Variants in EYS observed in about 807,000 individuals in gnomAD.
EYS encodes the protein EGF-like photoreceptor maintenance factor, also known as protein eyes shut homolog.
In EYS, 250 loss-of-function variants were observed where a neutral mutation model predicts 282.1. That is an observed-to-expected ratio of 0.89 (90% CI 0.80 to 0.98). EYS has a LOEUF of 0.98. Ranked by LOEUF, EYS falls within the 50% of genes least tolerant of loss-of-function variation. The pLI is 0.00. For synonymous variants in EYS, 1,355 were observed against 1,282.9 expected, an observed-to-expected ratio of 1.06 and a Z score of -1.20; for missense variants, 4,016 against 3,709.0, an observed-to-expected ratio of 1.08 and a Z score of -2.15.
chr6:64,123,769 C>A (rs1434942824), intron 31 of EYS, among the ~76,000 whole-genome samples: 6 of 152,112 alleles, frequency 3.9e-5, no homozygotes, highest in Non-Finnish European at 7.4e-5. Flanking sequence ...GATATAAATA[C>A]AAAATTAAAA....
At chr6:63,742,113 C>T (rs150854732) in intron 41 of EYS, 6 of 605,792 alleles carry the variant, frequency 9.9e-6, no homozygotes, top group Middle Eastern at 3.2e-4. Context: ...ATCTGTCCTG[C>T]AGTTCTTGAC....
rs1382735223 is a variant in EYS at position 63,835,698 on chromosome 6, A to G, written c.7228+28488T>C. ...CACTAAAGAACTTATGTAACCAAATACCACCTGTAGCCCAATAACTTATGG... is the reference window on the plus strand; with the variant it reads ...CACTAAAGAACTTATGTAACCAAATGCCACCTGTAGCCCAATAACTTATGG... On this transcript the variant is annotated intron_variant, in intron 36 of 42. Coordinates refer to ENST00000503581, the MANE Select transcript of EYS (RefSeq NM_001142800.2). 2.0e-5 allele frequency among the ~76,000 whole-genome samples: 3 copies of G among 152,180 alleles called. No homozygotes were observed. The East Asian group carries it at 5.8e-4, about 29-fold the overall frequency.
intron 12 of EYS, among the ~76,000 whole-genome samples, chr6:65,223,505 T>G (rs1422897921): frequency 2.6e-5 from 4 of 152,206 alleles, no homozygotes; most frequent in South Asian, 2.1e-4. Flanking sequence ...GTGGTCTATA[T>G]TCCTAGTGTG....
intron 12 of EYS, among the ~76,000 whole-genome samples, chr6:65,244,502 C>CTATG (rs1554170026): frequency 5.3e-5 from 8 of 151,466 alleles, no homozygotes; most frequent in Non-Finnish European, 1.5e-5. Flanking sequence ...ATTATCCGAA[C>CTATG]TATTTATTTA....
chr6:64,868,352 T>C (rs888859458), intron 19 of EYS, among the ~76,000 whole-genome samples: 3 of 151,420 alleles, frequency 2.0e-5, no homozygotes, highest in African/African-American at 7.2e-5. Flanking sequence ...AAAACATAAA[T>C]GCATGTTACA....
At chr6:64,401,402 G>A (rs1381299173) in intron 28 of EYS, among the ~76,000 whole-genome samples, 2 of 152,006 alleles carry the variant, frequency 1.3e-5, no homozygotes, top group Admixed American at 1.3e-4. Context: ...AAAATATAAA[G>A]GAATTAGTAT....
chr6:65,639,128 C>T (rs985692519), intron 2 of EYS, among the ~76,000 whole-genome samples: 1 of 151,906 alleles, frequency 6.6e-6, no homozygotes, highest in Non-Finnish European at 1.5e-5. Context: ...GTTGCCAAAT[C>T]TAAGAGAAAA....
At chr6:64,905,333 G>A (rs1332435031) in intron 16 of EYS, among the ~76,000 whole-genome samples, 1 of 152,200 alleles carries the variant, frequency 6.6e-6, no homozygotes, top group Non-Finnish European at 1.5e-5. Flanking sequence ...TTACAGGTAA[G>A]AAACTGCCCA....
intron 12 of EYS, among the ~76,000 whole-genome samples, chr6:65,076,119 TG>T (rs1377731323): frequency 2.0e-5 from 3 of 152,030 alleles, no homozygotes; most frequent in Non-Finnish European, 4.4e-5. Context: ...AAGGTAAAGA[TG>T]ATAGATCATA....
Position 64,181,911 on chromosome 6 carries a change from A to G in EYS, c.6424+48681T>C, listed in dbSNP as rs999685317. On this transcript the variant is annotated intron_variant, in intron 31 of 42. Transcript: ENST00000503581. ...TTGAAAAAGGTAAAGGACTTCTATG[A>G]TGTTATCTCGGATTTGGCAGAATTT... Among the ~76,000 whole-genome samples, 14 of 152,204 alleles carry G rather than the reference A, an allele frequency of 9.2e-5. No homozygotes were observed. In the South Asian group the frequency reaches 2.9e-3, roughly 32 times the overall value.
rs78278239 is a variant in EYS, at chr6:64,073,522, A to T, written c.6572-7031T>A. Among the ~76,000 whole-genome samples the T allele has an allele frequency of 6.4e-3, 979 of 151,984 alleles. 9 individuals carry two copies. The highest frequency in any genetic ancestry group is 0.031 in the East Asian group (159 of 5,180). ...GTATTAAAGACAATTTTCAAACACA[A>T]TTATGGTAAAAATTATTTGATTTTA... On this transcript the variant is annotated intron_variant, in intron 32 of 42. Coordinates refer to ENST00000503581, the MANE Select transcript of EYS (RefSeq NM_001142800.2).
chr6:64,057,581 A>G (rs974441426), intron 33 of EYS, among the ~76,000 whole-genome samples: 1 of 152,164 alleles, frequency 6.6e-6, no homozygotes, highest in Admixed American at 6.5e-5. Context: ...TGCCAGAGCT[A>G]CTATCCAAAG....
At chr6:64,943,983 T>C (rs1769189634) in intron 15 of EYS, among the ~76,000 whole-genome samples, 1 of 152,066 alleles carries the variant, frequency 6.6e-6, no homozygotes, top group South Asian at 2.1e-4. Context: ...AAAAACAGCA[T>C]GGCAGCATTG....
chr6:64,000,047 T>G (rs939791700), intron 33 of EYS, among the ~76,000 whole-genome samples: 1 of 152,046 alleles, frequency 6.6e-6, no homozygotes, highest in Non-Finnish European at 1.5e-5. Context: ...TGATTTCATT[T>G]CTCATTTTTG....
At chr6:64,049,268 T>C (rs1022662486) in intron 33 of EYS, among the ~76,000 whole-genome samples, 1 of 152,212 alleles carries the variant, frequency 6.6e-6, no homozygotes, top group African/African-American at 2.4e-5. Context: ...CTGTATTTGA[T>C]TAACATTTTG....
intron 31 of EYS, among the ~76,000 whole-genome samples, chr6:64,091,066 C>G (rs540972166): frequency 3.3e-5 from 5 of 152,216 alleles, no homozygotes; most frequent in African/African-American, 9.6e-5. Flanking sequence ...TCCCTAATTA[C>G]CCCATGTGAT....
In EYS at chr6:65,212,594, G is replaced by A. The variant is rs142043470; in HGVS notation, c.2023+83269C>T. On this transcript the variant is annotated intron_variant, in intron 12 of 42. Coordinates refer to ENST00000503581, the MANE Select transcript of EYS (RefSeq NM_001142800.2). ...TCAGTCTGAGTAGTCACATTTCAAGGGCTTAATAGCCAGAGTTGCCAGTGG... is the reference window on the plus strand; with the variant it reads ...TCAGTCTGAGTAGTCACATTTCAAGAGCTTAATAGCCAGAGTTGCCAGTGG... 3.4e-3 allele frequency among the ~76,000 whole-genome samples: 521 copies of A among 151,838 alleles called. 6 individuals are homozygous for A. Among genetic ancestry groups the A allele is most frequent in the African/African-American group, 0.012 (500 of 41,420 alleles).
rs771339778 is a variant in EYS, at chr6:65,516,543, CAAAT to C, written c.-332-20554_-332-20551del. 2.1e-4 allele frequency among the ~76,000 whole-genome samples: 32 copies of C among 152,138 alleles called. 1 individual carries two copies. In the East Asian group the frequency reaches 4.6e-3, roughly 22 times the overall value. On this transcript the variant is annotated intron_variant, in intron 2 of 42. Coordinates refer to ENST00000503581, the MANE Select transcript of EYS (RefSeq NM_001142800.2). ...TCAGGAGAAAATATAGGGAAATAGA[CAAAT>C]AGATATTTCAGTATAGAGTGAGATA...
chr6:65,385,679 G>A (rs1036517093), intron 7 of EYS, among the ~76,000 whole-genome samples: 4 of 151,728 alleles, frequency 2.6e-5, no homozygotes, highest in African/African-American at 9.7e-5. Flanking sequence ...ATTTTACAGT[G>A]GTTAATAAAA....
Sources: allele counts gnomAD v4.1 joint callset (sites outside exome capture counted in the v4.1 genomes callset), GRCh38; gene constraint gnomAD v4.1.1; transcripts MANE v1.5; gene names NCBI Gene and HGNC (gene_info 2026-07-23, HGNC 2026-07-21).